Variants in ZEB1 observed in about 807,000 individuals in gnomAD.
ZEB1 encodes the protein zinc finger E-box binding homeobox 1.
ZEB1 carries 21 observed loss-of-function variants against 84.9 expected under a neutral mutation model. The ratio of observed to expected loss-of-function variants is 0.25; its 90% CI spans 0.18 to 0.36. ZEB1 has a LOEUF of 0.36. Among genes scored for constraint, ZEB1 ranks in the 10% least tolerant of loss-of-function variants. The pLI is 1.00. For synonymous variants in ZEB1, 420 were observed against 471.1 expected, an observed-to-expected ratio of 0.89 and a Z score of 1.41; for missense variants, 1,104 against 1,330.2, an observed-to-expected ratio of 0.83 and a Z score of 2.65.
intron 1 of ZEB1, among the ~76,000 whole-genome samples, chr10:31,445,953 C>G (rs1327676879): frequency 7.7e-5 from 10 of 129,504 alleles, no homozygotes; most frequent in African/African-American, 3.0e-4. Context: ...GGAGGATTCC[C>G]TCTTTTTCTA....
chr10:31,435,088 G>A (rs1242894704), intron 1 of ZEB1, among the ~76,000 whole-genome samples: 1 of 152,194 alleles, frequency 6.6e-6, no homozygotes, highest in Admixed American at 6.5e-5. Flanking sequence ...GGGTTATGTG[G>A]CTAGGCAAAA....
At chr10:31,348,243 C>T (rs1291376795) in intron 1 of ZEB1, among the ~76,000 whole-genome samples, 1 of 152,138 alleles carries the variant, frequency 6.6e-6, no homozygotes, top group African/African-American at 2.4e-5. Context: ...ATGCACAAAA[C>T]ATGATTTGCT....
chr10:31,443,645 G>A (rs1262592518), intron 1 of ZEB1, among the ~76,000 whole-genome samples: 1 of 143,884 alleles, frequency 7.0e-6, no homozygotes, highest in African/African-American at 2.6e-5. Context: ...TCCCACCTAT[G>A]AGTGAGAATA....
chr10:31,419,238 A>C (rs1399056744), intron 1 of ZEB1, among the ~76,000 whole-genome samples: 1 of 151,850 alleles, frequency 6.6e-6, no homozygotes, highest in African/African-American at 2.4e-5. Flanking sequence ...AGCTGGTGGT[A>C]GACAGTGGTG....
intron 3 of ZEB1, among the ~76,000 whole-genome samples, chr10:31,499,895 AT>A (rs1448331736): frequency 6.6e-6 from 1 of 152,204 alleles, no homozygotes; most frequent in Non-Finnish European, 1.5e-5. Context: ...TGTTAAAAAA[AT>A]CTTTATCTCT....
intron 1 of ZEB1, among the ~76,000 whole-genome samples, chr10:31,400,123 A>G (rs1015087123): frequency 1.2e-4 from 18 of 152,026 alleles, no homozygotes; most frequent in Admixed American, 3.3e-4. Context: ...ACCATCTACC[A>G]TCCCATATAT....
rs1554882634 is a variant in ZEB1, at chr10:31,458,336, T to TGTG, written c.59-2701_59-2700insGTG. Among the ~76,000 whole-genome samples the TGTG allele has an allele frequency of 1.7e-3, 175 of 102,280 alleles. 5 individuals carry two copies. The highest frequency in any genetic ancestry group is 0.013 in the African/African-American group (154 of 11,970). 67.1% of individuals were successfully genotyped at this position (102,280 alleles called of 152,430 possible). ...CCGTGTGTGTGTGTGTGTGTGTGTG[T>TGTG]TGTGTGTGTGTGTGTGTGTGTGTGT... On this transcript the variant is annotated intron_variant, in intron 1 of 8. Transcript: ENST00000424869.
chr10:31,321,738 C>G lies in ZEB1; in HGVS notation c.58+2446C>G. 4.5e-6 allele frequency: 3 copies of G among 671,956 alleles called. No homozygotes were observed. The South Asian group carries it at 5.5e-5, about 12-fold the overall frequency. 41.6% of individuals were successfully genotyped at this position (671,956 alleles called of 1,614,324 possible). ...GAGATCCTGTGATATGAATATTACACTCGTAAGGCATATCAACAGATGACT... is the reference window on the plus strand; with the variant it reads ...GAGATCCTGTGATATGAATATTACAGTCGTAAGGCATATCAACAGATGACT... On this transcript the variant is annotated intron_variant, in intron 1 of 8. Coordinates refer to ENST00000424869, the MANE Select transcript of ZEB1 (RefSeq NM_001174096.2).
chr10:31,399,389 G>T (rs1270563418), intron 1 of ZEB1, among the ~76,000 whole-genome samples: 1 of 152,078 alleles, frequency 6.6e-6, no homozygotes, highest in Non-Finnish European at 1.5e-5. Flanking sequence ...CTGAGTAACA[G>T]CACCTGCTGT....
At chr10:31,356,552 C>T (rs1216564906) in intron 1 of ZEB1, among the ~76,000 whole-genome samples, 1 of 152,122 alleles carries the variant, frequency 6.6e-6, no homozygotes, top group Non-Finnish European at 1.5e-5. Context: ...ATTGCTGGAT[C>T]ATTGGCTCTA....
Position 31,375,360 on chromosome 10 carries a change from C to T in ZEB1, c.58+56068C>T, listed in dbSNP as rs542005832. On this transcript the variant is annotated intron_variant, in intron 1 of 8. Coordinates refer to ENST00000424869, the MANE Select transcript of ZEB1 (RefSeq NM_001174096.2). ...AAGAAATATATTCCTTCCTGGGTAA[C>T]GTGCTTTGGAATGTACATGATATTC... 1.4e-4 allele frequency among the ~76,000 whole-genome samples: 21 copies of T among 151,730 alleles called. No homozygotes were observed. In the South Asian group the frequency reaches 3.7e-3, roughly 27 times the overall value.
At chr10:31,360,365 C>T (rs114515801) in intron 1 of ZEB1, among the ~76,000 whole-genome samples, 4 of 152,084 alleles carry the variant, frequency 2.6e-5, no homozygotes, top group African/African-American at 7.2e-5. Context: ...CTATCTCTCA[C>T]GGTTGTAAGG....
chr10:31,368,412 C>G (rs2044999347), intron 1 of ZEB1, among the ~76,000 whole-genome samples: 1 of 152,200 alleles, frequency 6.6e-6, no homozygotes, highest in African/African-American at 2.4e-5. Context: ...CCACCTTGAC[C>G]TCTCAAAGTG....
chr10:31,468,080 G>A (rs746830442), intron 2 of ZEB1, among the ~76,000 whole-genome samples: 7 of 151,910 alleles, frequency 4.6e-5, no homozygotes, highest in Non-Finnish European at 1.0e-4. Flanking sequence ...CAGAAGAGGT[G>A]CCTGCACCCC....
At chr10:31,524,288 G>A (rs545289892) in intron 8 of ZEB1, among the ~76,000 whole-genome samples, 175 bp downstream of exon 8, 22 of 151,312 alleles carry the variant, frequency 1.5e-4, no homozygotes, top group Admixed American at 6.6e-4. Context: ...TCTCAATCTC[G>A]GCTCACTGCA....
chr10:31,339,767 T>TA (rs35154398), intron 1 of ZEB1, among the ~76,000 whole-genome samples: 5,648 of 137,066 alleles, frequency 0.041, 319 homozygotes, highest in African/African-American at 0.13. Context: ...TGTCTCAAAT[T>TA]AAAAAAAAAA....
At chr10:31,416,269 C>A (rs2055197503) in intron 1 of ZEB1, among the ~76,000 whole-genome samples, 1 of 149,066 alleles carries the variant, frequency 6.7e-6, no homozygotes, top group African/African-American at 2.6e-5. Context: ...TAAGTGAGTT[C>A]CTAATTTTTT....
intron 1 of ZEB1, among the ~76,000 whole-genome samples, chr10:31,394,784 G>T (rs2050393506): frequency 6.6e-6 from 1 of 152,206 alleles, no homozygotes; most frequent in Non-Finnish European, 1.5e-5. Flanking sequence ...TGCTGAATCT[G>T]CATCATGAAG....
rs940960627 is a variant in ZEB1 at position 31,506,184 on chromosome 10, A to T, written c.484+3675A>T. 1.6e-4 allele frequency among the ~76,000 whole-genome samples: 24 copies of T among 152,192 alleles called. No individual in the cohort carries two copies. The East Asian group carries it at 4.4e-3, about 28-fold the overall frequency. On this transcript the variant is annotated intron_variant, in intron 4 of 8. Transcript: ENST00000424869. ...TTGTTTGAGACTTGTCATGGGTCCC[A>T]ACATACAGTCTATCCTAGAGTATGT...
Sources: allele counts gnomAD v4.1 joint callset (sites outside exome capture counted in the v4.1 genomes callset), GRCh38; gene constraint gnomAD v4.1.1; transcripts MANE v1.5; gene names NCBI Gene and HGNC (gene_info 2026-07-23, HGNC 2026-07-21).